The following CCDC170 variants were observed in gnomAD, a reference collection of about 807,000 sequenced individuals.
CCDC170 encodes the protein coiled-coil domain-containing protein 170.
A neutral mutation model predicts 72.6 loss-of-function variants in CCDC170; 69 were observed. The observed-to-expected ratio is 0.95, with a 90% CI of 0.78 to 1.16. The LOEUF (loss-of-function observed/expected upper bound fraction) is 1.16, where lower values mean the gene tolerates loss of function less well. CCDC170 is among the 50% of genes most tolerant of loss of function. CCDC170 has a pLI of 0.00. For synonymous variants in CCDC170, 300 were observed against 303.9 expected, an observed-to-expected ratio of 0.99 and a Z score of 0.13; for missense variants, 852 against 832.5, an observed-to-expected ratio of 1.02 and a Z score of -0.29.
rs1777000540 is a variant in CCDC170 at position 151,618,183 on chromosome 6, T to C, written c.*36T>C. On this transcript the variant is annotated 3_prime_UTR_variant, in exon 11 of 11. Coordinates refer to ENST00000239374, the MANE Select transcript of CCDC170 (RefSeq NM_025059.4). ...TCTTGAGAGAGGTGGCCATAAGACATGGCACACAATTCCCAATTTCACAAA... is the reference window on the plus strand; with the variant it reads ...TCTTGAGAGAGGTGGCCATAAGACACGGCACACAATTCCCAATTTCACAAA... 2 of 1,537,912 alleles carry C rather than the reference T, an allele frequency of 1.3e-6. No individual in the cohort carries two copies. The highest frequency in any genetic ancestry group is 8.9e-7 in the Non-Finnish European group (1 of 1,118,394).
intron 6 of CCDC170, among the ~76,000 whole-genome samples, chr6:151,583,120 G>A (rs1180061951): frequency 2.7e-5 from 4 of 150,718 alleles, no homozygotes; most frequent in African/African-American, 9.8e-5. Flanking sequence ...AGCCTCCTGA[G>A]TAGCTGGGAC....
intron 6 of CCDC170, among the ~76,000 whole-genome samples, chr6:151,582,161 C>T (rs1033611361): frequency 5.9e-5 from 9 of 152,202 alleles, no homozygotes; most frequent in African/African-American, 2.2e-4. Context: ...CTATGAAAGT[C>T]CTAAATGGCA....
intron 5 of CCDC170, among the ~76,000 whole-genome samples, chr6:151,549,261 C>T (rs1249173767): frequency 6.6e-6 from 1 of 151,912 alleles, no homozygotes; most frequent in Non-Finnish European, 1.5e-5. Flanking sequence ...GGTCTCGACT[C>T]CTGGCCTCAA....
At chr6:151,537,985 A>G (rs986732398) in intron 2 of CCDC170, 60 bp from the exon 3 acceptor site, 1 of 1,499,974 alleles carries the variant, frequency 6.7e-7, no homozygotes, top group South Asian at 1.3e-5. Context: ...GGTTTCTTAA[A>G]GATAATTCAA....
chr6:151,579,836 T>A (rs1027321752), intron 6 of CCDC170, among the ~76,000 whole-genome samples: 9 of 152,178 alleles, frequency 5.9e-5, no homozygotes, highest in Non-Finnish European at 1.2e-4. Context: ...TGTGTTGAAC[T>A]TCAATATGGT....
At chr6:151,606,059 G>A (rs996812807) in intron 9 of CCDC170, among the ~76,000 whole-genome samples, 4 of 151,770 alleles carry the variant, frequency 2.6e-5, no homozygotes, top group Non-Finnish European at 4.4e-5. Flanking sequence ...GTGCCATTAC[G>A]CCTGGCTAAC....
At chr6:151,604,509 A>C (rs190643108) in intron 9 of CCDC170, among the ~76,000 whole-genome samples, 58 of 152,352 alleles carry the variant, frequency 3.8e-4, no homozygotes, top group Non-Finnish European at 6.9e-4. Context: ...TTAGTGTTCT[A>C]TAACACTGTA....
chr6:151,618,216 T>G lies in CCDC170; in HGVS notation c.*69T>G. The G allele has an allele frequency of 3.0e-6, 4 of 1,328,268 alleles. No individual in the cohort carries two copies. Among genetic ancestry groups the G allele is most frequent in the Non-Finnish European group, 3.2e-6 (3 of 937,072 alleles). The allele number at this position is 1,328,268 out of a possible 1,614,324, so 82.3% of individuals were successfully genotyped here. ...AATTCCCAATTTCACAAATTCCTCA[T>G]GTCTTTGAGATTTGATCAGTTTGTG... On this transcript the variant is annotated 3_prime_UTR_variant, in exon 11 of 11. Transcript: ENST00000239374.
At chr6:151,575,690 C>A (rs1490889502) in intron 6 of CCDC170, among the ~76,000 whole-genome samples, 1 of 151,582 alleles carries the variant, frequency 6.6e-6, no homozygotes, top group African/African-American at 2.4e-5. Context: ...CCACCACACC[C>A]AGCTAATTTT....
chr6:151,546,511 G>T (rs1329253640), intron 4 of CCDC170, among the ~76,000 whole-genome samples: 2 of 152,018 alleles, frequency 1.3e-5, no homozygotes, highest in Non-Finnish European at 2.9e-5. Flanking sequence ...AGCCGGGAGA[G>T]CCTGCCCTTC....
chr6:151,582,932 C>T (rs566016924), intron 6 of CCDC170, among the ~76,000 whole-genome samples: 7 of 150,226 alleles, frequency 4.7e-5, no homozygotes, highest in South Asian at 2.1e-4. Flanking sequence ...TTTTAACATG[C>T]GATTTAGAGA....
At chr6:151,519,190 G>A (rs866237265) in intron 1 of CCDC170, among the ~76,000 whole-genome samples, 5 of 152,268 alleles carry the variant, frequency 3.3e-5, no homozygotes, top group Middle Eastern at 3.4e-3. Flanking sequence ...GCATAAGACA[G>A]ACACTCCCAG....
Position 151,502,666 on chromosome 6 carries a change from C to CA in CCDC170, c.57+8486dup, listed in dbSNP as rs1412584934. ...AAATCTTATGAATGTTTGGAGTAAG[C>CA]AAAAATGAAAACTCAGGAGGAAATG... is the stretch of plus-strand genomic sequence containing the variant. On this transcript the variant is annotated intron_variant, in intron 1 of 10. Coordinates refer to ENST00000239374, the MANE Select transcript of CCDC170 (RefSeq NM_025059.4). Among the ~76,000 whole-genome samples, 8 of 152,210 alleles carry CA rather than the reference C, an allele frequency of 5.3e-5. No homozygotes were observed. The South Asian group carries it at 1.5e-3, about 28-fold the overall frequency.
In CCDC170 at chr6:151,591,485, T is replaced by A. The variant is rs191788658; in HGVS notation, c.1294-1622T>A. Among the ~76,000 whole-genome samples, 35 of 152,114 alleles carry A rather than the reference T, an allele frequency of 2.3e-4. No homozygotes were observed. The East Asian group carries it at 6.0e-3, about 26-fold the overall frequency. ...TTAGGGGGGAGGTGTTCATTTAACT[T>A]GGATGCATTAAACAATTTTTTTTTT... On this transcript the variant is annotated intron_variant, in intron 7 of 10. Coordinates refer to ENST00000239374, the MANE Select transcript of CCDC170 (RefSeq NM_025059.4).
At chr6:151,617,301 C>T (rs760923334) in intron 10 of CCDC170, among the ~76,000 whole-genome samples, 3 of 152,074 alleles carry the variant, frequency 2.0e-5, no homozygotes, top group Non-Finnish European at 4.4e-5. Flanking sequence ...AGTCCCAGAG[C>T]AGTCCCATGG....
At chr6:151,542,733 G>A (rs1309257353) in intron 3 of CCDC170, among the ~76,000 whole-genome samples, 1 of 152,144 alleles carries the variant, frequency 6.6e-6, no homozygotes, top group African/African-American at 2.4e-5. Context: ...TGGGTCAAGT[G>A]AATTGCAAAT....
chr6:151,512,256 T>G (rs1583003661), intron 1 of CCDC170, among the ~76,000 whole-genome samples: 1 of 147,410 alleles, frequency 6.8e-6, no homozygotes, highest in Admixed American at 6.9e-5. Context: ...GTCTCCTGGG[T>G]TCAAGCCATT....
rs35011106 is a variant in CCDC170 at position 151,620,189 on chromosome 6, C to CAAAAAAAAAAAAAAA, written c.*2045_*2059dup. On this transcript the variant is annotated 3_prime_UTR_variant, in exon 11 of 11. Transcript: ENST00000239374. The stretch of plus-strand genomic sequence containing the variant: ...CCAATAAATGTAGAATGGATGATTC[C>CAAAAAAAAAAAAAAA]AAAAAAAAAAAAAAAAAGAAGAAAG... 2 of 104,678 alleles carry CAAAAAAAAAAAAAAA rather than the reference C, an allele frequency of 1.9e-5. No homozygotes were observed. Among genetic ancestry groups the CAAAAAAAAAAAAAAA allele is most frequent in the African/African-American group, 3.6e-5 (1 of 27,726 alleles). 6.5% of individuals were successfully genotyped at this position (104,678 alleles called of 1,614,324 possible).
chr6:151,614,136 T>C (rs1776919710), intron 9 of CCDC170, among the ~76,000 whole-genome samples: 1 of 152,178 alleles, frequency 6.6e-6, no homozygotes, highest in Admixed American at 6.5e-5. Context: ...ATATATATCA[T>C]TTTACCCATT....
Sources: gnomAD v4.1 joint callset for allele counts (sites outside exome capture counted in the v4.1 genomes callset) on GRCh38, gnomAD v4.1.1 for gene constraint, MANE v1.5 for transcripts, NCBI Gene and HGNC (gene_info 2026-07-23, HGNC 2026-07-21) for gene names.